BCLAF3: variants seen among roughly 807,000 people sequenced by gnomAD.
The protein encoded by BCLAF3 is BCLAF1 and THRAP3 family member 3, also known as transient octamer binding factor 1.
In BCLAF3, 24 loss-of-function variants were observed where a neutral mutation model predicts 51.2. The observed-to-expected ratio is 0.47, with a 90% CI of 0.34 to 0.66. The LOEUF is 0.66. BCLAF3 is among the 30% of genes least tolerant of loss of function. The probability of loss-of-function intolerance (pLI) is 0.01; values close to 1 mark genes in which losing one functional copy is unlikely to be tolerated. For missense variants in BCLAF3, 465 were observed against 525.1 expected (o/e 0.89, Z 1.12); for synonymous variants, 152 against 176.6 (o/e 0.86, Z 1.10).
chrX:19,921,387 G>A (rs945375065), intron 11 of BCLAF3, among the ~76,000 whole-genome samples: 4 of 112,165 alleles, frequency 3.6e-5, no homozygotes, highest in Non-Finnish European at 7.5e-5. Context: ...TCAATAAACA[G>A]TGTTAAAAAA....
chrX:19,918,255 C>A, intron 11 of BCLAF3, among the ~76,000 whole-genome samples: 1 of 111,318 alleles, frequency 9.0e-6, no homozygotes, highest in East Asian at 2.8e-4. Flanking sequence ...TTGTCAACAT[C>A]ATTCCTTTAA....
intron 8 of BCLAF3, among the ~76,000 whole-genome samples, chrX:19,940,294 T>C (rs1222433726): frequency 9.2e-6 from 1 of 108,512 alleles, no homozygotes; most frequent in Non-Finnish European, 1.9e-5. Flanking sequence ...TTTTTTATTA[T>C]ACTTTAAGTT....
At chrX:19,976,313 T>C (rs185470754) in intron 1 of BCLAF3, among the ~76,000 whole-genome samples, 2 of 112,369 alleles carry the variant, frequency 1.8e-5, no homozygotes, top group East Asian at 2.8e-4. Flanking sequence ...AATAATGAGA[T>C]ATTATTTCAC....
At chrX:19,946,949 C>A (rs933447075) in intron 8 of BCLAF3, among the ~76,000 whole-genome samples, 1 of 112,194 alleles carries the variant, frequency 8.9e-6, no homozygotes, top group Non-Finnish European at 1.9e-5. Flanking sequence ...TCCTCTTCTG[C>A]CTTATTTTCA....
intron 10 of BCLAF3, chrX:19,930,639 G>C (rs1260099590): frequency 1.4e-5 from 3 of 207,665 alleles, no homozygotes; most frequent in Non-Finnish European, 2.9e-5. Flanking sequence ...TCCAGTCTGG[G>C]TGACAGAGCG....
intron 1 of BCLAF3, chrX:19,984,933 T>C (rs974346519): frequency 1.8e-5 from 2 of 112,329 alleles, no homozygotes; most frequent in Non-Finnish European, 3.8e-5. Flanking sequence ...GTGATCTGCC[T>C]GCATCGGCCT....
chrX:19,938,867 C>T (rs990369696), intron 8 of BCLAF3, among the ~76,000 whole-genome samples: 1 of 112,626 alleles, frequency 8.9e-6, no homozygotes, highest in Non-Finnish European at 1.9e-5. Flanking sequence ...CTGAGGTGAA[C>T]TAGGTACTCC....
intron 8 of BCLAF3, among the ~76,000 whole-genome samples, chrX:19,939,974 G>C (rs905230612): frequency 8.9e-6 from 1 of 112,264 alleles, no homozygotes; most frequent in Non-Finnish European, 1.9e-5. Flanking sequence ...CTTTCTGTTT[G>C]TGAAGATGAA....
chrX:19,984,282 G>A (rs967298932), intron 1 of BCLAF3, among the ~76,000 whole-genome samples: 5 of 110,100 alleles, frequency 4.5e-5, no homozygotes, highest in African/African-American at 1.3e-4. Context: ...AACTACAAGA[G>A]ATGCGAGGAG....
intron 4 of BCLAF3, among the ~76,000 whole-genome samples, chrX:19,961,242 ATATAAT>A (rs2071845664): frequency 8.9e-6 from 1 of 112,782 alleles, no homozygotes; most frequent in African/African-American, 3.2e-5. Flanking sequence ...ATTCTGAAAC[ATATAAT>A]TATGACTCAG....
intron 4 of BCLAF3, among the ~76,000 whole-genome samples, chrX:19,955,894 T>C (rs1243519569): frequency 8.9e-6 from 1 of 111,982 alleles, no homozygotes; most frequent in Admixed American, 9.5e-5. Flanking sequence ...ATTAGATTAT[T>C]TTCTACTTCC....
rs150579206 is a variant in BCLAF3, at chrX:19,924,988, A to G, written c.2106+4797T>C. On this transcript the variant is annotated intron_variant, in intron 11 of 11. Coordinates refer to ENST00000379682, the MANE Select transcript of BCLAF3 (RefSeq NM_001367774.2). ...CTTTATCTTCCAGCCCAAGCACAGAATCCAAGAGAAAATAAACACAGTAAA... is the reference window on the plus strand; with the variant it reads ...CTTTATCTTCCAGCCCAAGCACAGAGTCCAAGAGAAAATAAACACAGTAAA... 3.7e-3 allele frequency among the ~76,000 whole-genome samples: 416 copies of G among 111,276 alleles called. 9 individuals carry two copies. The highest frequency in any genetic ancestry group is 0.029 in the Admixed American group (300 of 10,350).
intron 1 of BCLAF3, among the ~76,000 whole-genome samples, chrX:19,971,285 G>A (rs1226506139): frequency 9.0e-6 from 1 of 111,386 alleles, no homozygotes; most frequent in Non-Finnish European, 1.9e-5. Context: ...GTTTTGCCAT[G>A]TTGCCCAGGT....
chrX:19,924,487 T>C (rs980483507), intron 11 of BCLAF3, among the ~76,000 whole-genome samples: 4 of 111,354 alleles, frequency 3.6e-5, no homozygotes, highest in Non-Finnish European at 7.5e-5. Context: ...ACCTGGCAAG[T>C]GTATACTAGA....
At chrX:19,917,467 G>T in intron 11 of BCLAF3, 133 bp from the exon 12 acceptor site, 1 of 531,738 alleles carries the variant, frequency 1.9e-6, no homozygotes. Context: ...TTCCCACGAA[G>T]GCATGTGGAA....
intron 4 of BCLAF3, among the ~76,000 whole-genome samples, chrX:19,955,849 G>A (rs989911788): frequency 1.1e-4 from 12 of 111,003 alleles, no homozygotes; most frequent in African/African-American, 3.9e-4. Context: ...AAAAATACAA[G>A]GTATTAAAGA....
intron 4 of BCLAF3, among the ~76,000 whole-genome samples, chrX:19,964,446 T>A (rs2071974724): frequency 9.0e-6 from 1 of 111,322 alleles, no homozygotes; most frequent in African/African-American, 3.3e-5. Flanking sequence ...TAATCTCCTC[T>A]ACCTGGGAGA....
At chrX:19,950,277 G>A (rs2071437692) in intron 8 of BCLAF3, among the ~76,000 whole-genome samples, 1 of 111,905 alleles carries the variant, frequency 8.9e-6, no homozygotes, top group Admixed American at 9.5e-5. Flanking sequence ...ATCCAAAAAT[G>A]TGGATTTTTT....
intron 4 of BCLAF3, among the ~76,000 whole-genome samples, chrX:19,964,780 T>C (rs773632553): frequency 9.0e-6 from 1 of 111,105 alleles, no homozygotes; most frequent in East Asian, 2.8e-4. Flanking sequence ...CGTGAATTCA[T>C]GAAGAGGAAC....
Sources: allele counts gnomAD v4.1 joint callset (sites outside exome capture counted in the v4.1 genomes callset), GRCh38; gene constraint gnomAD v4.1.1; transcripts MANE v1.5; gene names NCBI Gene and HGNC (gene_info 2026-07-23, HGNC 2026-07-21).